ANKH: variants seen among roughly 807,000 people sequenced by gnomAD.
ANKH encodes the protein mineralization regulator ANKH.
A neutral mutation model predicts 49.0 loss-of-function variants in ANKH; 15 were observed. The observed-to-expected ratio is 0.31, with a 90% confidence interval of 0.20 to 0.47. The LOEUF (loss-of-function observed/expected upper bound fraction) is 0.47. ANKH is among the 20% of genes least tolerant of loss of function. The pLI is 1.00. For synonymous variants in ANKH, 273 were observed against 260.0 expected, an observed-to-expected ratio of 1.05 and a Z score of -0.48; for missense variants, 429 against 652.0, an observed-to-expected ratio of 0.66 and a Z score of 3.72.
intron 1 of ANKH, among the ~76,000 whole-genome samples, chr5:14,833,275 T>G (rs1441186357): frequency 1.3e-5 from 2 of 152,200 alleles, no homozygotes; most frequent in Admixed American, 1.3e-4. Flanking sequence ...AGAACTAGCT[T>G]GGTATGCTCA....
chr5:14,812,669 C>T (rs567642886), intron 1 of ANKH, among the ~76,000 whole-genome samples: 1 of 152,284 alleles, frequency 6.6e-6, no homozygotes, highest in African/African-American at 2.4e-5. Context: ...ATCTGATCAC[C>T]CTTGATAACT....
intron 8 of ANKH, among the ~76,000 whole-genome samples, chr5:14,719,011 G>A (rs1737579577): frequency 6.6e-6 from 1 of 152,110 alleles, no homozygotes; most frequent in Admixed American, 6.6e-5. Flanking sequence ...AATAATAGGA[G>A]TTCTGGAAAG....
intron 1 of ANKH, among the ~76,000 whole-genome samples, chr5:14,816,190 A>G (rs1221043567): frequency 6.6e-6 from 1 of 152,240 alleles, no homozygotes. Flanking sequence ...GTTGATCTAA[A>G]GAGGTTGAAG....
At chr5:14,761,544 G>C (rs1178863929) in intron 2 of ANKH, among the ~76,000 whole-genome samples, 1 of 152,128 alleles carries the variant, frequency 6.6e-6, no homozygotes, top group Non-Finnish European at 1.5e-5. Flanking sequence ...ACCTAGGGAT[G>C]CACTGAAATG....
intron 1 of ANKH, among the ~76,000 whole-genome samples, chr5:14,831,856 T>A (rs1741515962): frequency 6.6e-6 from 1 of 152,208 alleles, no homozygotes; most frequent in South Asian, 2.1e-4. Context: ...ATTTCCCATA[T>A]ATGAATCTTT....
At chr5:14,798,381 G>T in intron 1 of ANKH, 1 of 1,576,476 alleles carries the variant, frequency 6.3e-7, no homozygotes, top group Non-Finnish European at 8.7e-7. Context: ...GTTGTCAAAG[G>T]CTGCTTCCTT....
intron 4 of ANKH, among the ~76,000 whole-genome samples, chr5:14,753,529 A>T (rs1486907005): frequency 1.3e-5 from 2 of 152,188 alleles, no homozygotes; most frequent in Non-Finnish European, 2.9e-5. Flanking sequence ...GCGAGGGCTG[A>T]TGATAGCAGA....
intron 1 of ANKH, among the ~76,000 whole-genome samples, chr5:14,772,866 A>G (rs1433548721): frequency 6.6e-6 from 1 of 152,234 alleles, no homozygotes; most frequent in Non-Finnish European, 1.5e-5. Flanking sequence ...GCCATTATGC[A>G]TCGGTGAAAC....
chr5:14,755,472 G>A (rs1314446040), intron 4 of ANKH, among the ~76,000 whole-genome samples: 1 of 152,210 alleles, frequency 6.6e-6, no homozygotes, highest in Non-Finnish European at 1.5e-5. Flanking sequence ...CTCTAGGACA[G>A]AGTGACAGAC....
intron 1 of ANKH, chr5:14,870,408 A>T (rs1448731655): frequency 6.6e-6 from 1 of 152,226 alleles, no homozygotes; most frequent in Non-Finnish European, 1.5e-5. Context: ...TATTCTAGAT[A>T]AATATCCGTT....
intron 11 of ANKH, 152 bp from the exon 12 acceptor site, chr5:14,711,462 C>T (rs1737201452): frequency 1.5e-6 from 1 of 677,778 alleles, no homozygotes. Context: ...TCTTTTGCAT[C>T]TTAGCTCAGT....
intron 1 of ANKH, among the ~76,000 whole-genome samples, chr5:14,786,475 G>A (rs1739980224): frequency 6.6e-6 from 1 of 152,154 alleles, no homozygotes; most frequent in Admixed American, 6.5e-5. Flanking sequence ...GAAAAAACAA[G>A]AGAAATGTGA....
intron 1 of ANKH, among the ~76,000 whole-genome samples, chr5:14,779,865 G>C (rs1739751873): frequency 6.6e-6 from 1 of 152,210 alleles, no homozygotes; most frequent in African/African-American, 2.4e-5. Flanking sequence ...ACACGGACAT[G>C]AACAGAATGC....
In ANKH at chr5:14,827,934, T is replaced by C. The variant is rs138293056; in HGVS notation, c.96+43418A>G. Among the ~76,000 whole-genome samples the C allele has an allele frequency of 4.1e-4, 63 of 152,316 alleles. 1 individual carries two copies. Among genetic ancestry groups the C allele is most frequent in the African/African-American group, 1.5e-3 (62 of 41,564 alleles). ...CATTCCCAGGTAGGTGTAGGAGCCA[T>C]ATCTGTTTGGATAAAGAAGAGTATT... On this transcript the variant is annotated intron_variant, in intron 1 of 11. Coordinates refer to ENST00000284268, the MANE Select transcript of ANKH (RefSeq NM_054027.6).
rs554294989 is a variant in ANKH, at chr5:14,837,783, C to CA, written c.96+33568dup. 2.6e-4 allele frequency among the ~76,000 whole-genome samples: 39 copies of CA among 152,254 alleles called. No individual in the cohort carries two copies. In the South Asian group the frequency reaches 7.9e-3, roughly 31 times the overall value. On this transcript the variant is annotated intron_variant, in intron 1 of 11. Coordinates refer to ENST00000284268, the MANE Select transcript of ANKH (RefSeq NM_054027.6). ...GCCATCCCATTACTGGGTACATACCCAAAGGATTATAAATCATGCTGCTAT... is the reference window on the plus strand; with the variant it reads ...GCCATCCCATTACTGGGTACATACCCAAAAGGATTATAAATCATGCTGCTAT...
rs1242331486 is a variant in ANKH at position 14,737,090 on chromosome 5, G to C, written c.1011+4737C>G. On this transcript the variant is annotated intron_variant, in intron 8 of 11. Transcript: ENST00000284268. The surrounding 1 kb of genome is among the most constrained non-coding windows in gnomAD (Gnocchi z 5.0). ...GTTTATTAAAATATGATTGGCTATG[G>C]ACTTCAGAAACAGTTTTAAAAAGTC... Among the ~76,000 whole-genome samples, 1 of 152,202 alleles carries C rather than the reference G, an allele frequency of 6.6e-6. No individual in the cohort carries two copies. The highest frequency in any genetic ancestry group is 2.4e-5 in the African/African-American group (1 of 41,454).
intron 1 of ANKH, chr5:14,798,181 C>A: frequency 2.5e-6 from 4 of 1,579,176 alleles, no homozygotes; most frequent in Non-Finnish European, 3.5e-6. Flanking sequence ...TTTTGTTCAT[C>A]CGATGTGTGT....
intron 1 of ANKH, among the ~76,000 whole-genome samples, chr5:14,838,461 A>G (rs1000659826): frequency 6.6e-6 from 1 of 151,902 alleles, no homozygotes; most frequent in Non-Finnish European, 1.5e-5. Flanking sequence ...AAAAAATCAC[A>G]GCCTGGAGCA....
intron 8 of ANKH, chr5:14,741,154 C>T (rs1247411540): frequency 2.0e-5 from 3 of 152,296 alleles, no homozygotes; most frequent in African/African-American, 7.2e-5. Flanking sequence ...GTCCTTTGGA[C>T]TATAAAGCAT....
Sources: allele counts gnomAD v4.1 joint callset (sites outside exome capture counted in the v4.1 genomes callset), GRCh38; gene constraint gnomAD v4.1.1; non-coding constraint Gnocchi (gnomAD v3.1); transcripts MANE v1.5; gene names NCBI Gene and HGNC (gene_info 2026-07-23, HGNC 2026-07-21).